CACNA1I: variants seen among roughly 807,000 people sequenced by gnomAD.
The protein encoded by CACNA1I is voltage-dependent T-type calcium channel subunit alpha-1I.
In CACNA1I, 74 loss-of-function variants were observed where a neutral mutation model predicts 201.6. The ratio of observed to expected loss-of-function variants is 0.37; its 90% CI spans 0.30 to 0.45. The LOEUF is 0.45. Ranked by LOEUF, CACNA1I falls within the 20% of genes least tolerant of loss-of-function variation. The probability of loss-of-function intolerance (pLI) is 1.00; values close to 1 mark genes in which losing one functional copy is unlikely to be tolerated. For synonymous variants in CACNA1I, 1,431 were observed against 1,345.2 expected (o/e 1.06, Z -1.40); for missense variants, 2,346 against 3,138.1 (o/e 0.75, Z 6.03).
intron 3 of CACNA1I, among the ~76,000 whole-genome samples, chr22:39,610,457 G>A (rs1374426042): frequency 6.6e-6 from 1 of 152,160 alleles, no homozygotes; most frequent in African/African-American, 2.4e-5. Flanking sequence ...GGGAGAGAGG[G>A]TGATGGTCAC....
intron 5 of CACNA1I, 49 bp downstream of exon 5, chr22:39,634,773 A>T (rs761514081): frequency 1.2e-5 from 19 of 1,572,120 alleles, no homozygotes; most frequent in Non-Finnish European, 1.6e-5. Context: ...TCTTACTAAG[A>T]CACAGTTTTA....
At position 39,673,914 on chromosome 22, in the gene CACNA1I, G is replaced by A. The variant is rs8135687; in HGVS notation, c.4784-49G>A. The A allele has an allele frequency of 2.4e-3, 3,755 of 1,570,054 alleles. 84 individuals are homozygous for A. The African/African-American group carries it at 0.045, about 19-fold the overall frequency. ...CGTGCACACATGCGTGCACACACAC[G>A]TCCCCACCGGCCTGGGGCTGAGTGG... On this transcript the variant is annotated intron_variant, in intron 28 of 36. Coordinates refer to ENST00000402142, the MANE Select transcript of CACNA1I (RefSeq NM_021096.4).
At chr22:39,613,172 C>A (rs909370747) in intron 3 of CACNA1I, among the ~76,000 whole-genome samples, 1 of 152,184 alleles carries the variant, frequency 6.6e-6, no homozygotes, top group African/African-American at 2.4e-5. Flanking sequence ...CTTGTCAGCT[C>A]CAAGCTTTTT....
intron 29 of CACNA1I, among the ~76,000 whole-genome samples, chr22:39,674,814 G>A (rs1287983897): frequency 6.6e-6 from 1 of 152,178 alleles, no homozygotes; most frequent in Admixed American, 6.5e-5. Context: ...CACAGATACT[G>A]CACATTAAAA....
chr22:39,685,488 T>C lies in CACNA1I; in HGVS notation c.6028-273T>C, dbSNP rs900477237. On this transcript the variant is annotated intron_variant, in intron 36 of 36. Transcript: ENST00000402142. This position sits in a 1 kb window ranked among gnomAD's most constrained non-coding sequence, Gnocchi z 5.0. The stretch of plus-strand genomic sequence containing the variant: ...AGGGCGGTGGGCCCAGGGCTTCCCC[T>C]TGGAGTGAGCCTGGAGCCTTCTGTG... Among the ~76,000 whole-genome samples, 2 of 150,728 alleles carry C rather than the reference T, an allele frequency of 1.3e-5. No individual in the cohort carries two copies. Among genetic ancestry groups the C allele is most frequent in the African/African-American group, 4.9e-5 (2 of 40,770 alleles).
Position 39,686,764 on chromosome 22 carries a change from G to C in CACNA1I, c.*359G>C, listed in dbSNP as rs1050808681. The C allele has an allele frequency of 6.6e-6, 1 of 151,692 alleles. No homozygotes were observed. Among genetic ancestry groups the C allele is most frequent in the Non-Finnish European group, 1.5e-5 (1 of 67,930 alleles). The allele number at this position is 151,692 out of a possible 1,614,324, so 9.4% of individuals were successfully genotyped here. ...GTGGGAGGTGGGCCAGGGCCTGGAC[G>C]GGGCTTTTGTCTGATGCTCTGGGAT... On this transcript the variant is annotated 3_prime_UTR_variant, in exon 37 of 37. Transcript: ENST00000402142.
chr22:39,601,831 TTCCTTCCCTCCCTCCC>T (rs1933040249), intron 3 of CACNA1I, among the ~76,000 whole-genome samples: 1 of 143,940 alleles, frequency 6.9e-6, no homozygotes, highest in Non-Finnish European at 1.5e-5. Context: ...CTCTCCTTCC[TTCCTTCCCTCCCTCCC>T]TCCCTCCCTC....
chr22:39,595,865 C>T (rs1479682733), intron 1 of CACNA1I, among the ~76,000 whole-genome samples: 1 of 151,360 alleles, frequency 6.6e-6, no homozygotes, highest in Non-Finnish European at 1.5e-5. Context: ...AAGTCCCTGT[C>T]CCCTTTGGAA....
chr22:39,598,299 C>G (rs1601806125), intron 2 of CACNA1I, 37 bp downstream of exon 2: 1 of 870,236 alleles, frequency 1.1e-6, no homozygotes, highest in Non-Finnish European at 1.6e-6. Context: ...GCCCTGCCCT[C>G]ATCCTCCAGG....
chr22:39,642,990 AG>A (rs1244718710), intron 7 of CACNA1I, 101 bp downstream of exon 7: 2 of 717,098 alleles, frequency 2.8e-6, no homozygotes, highest in Admixed American at 4.6e-5. Flanking sequence ...AGCCCCTCAG[AG>A]CCAGGACAGC....
At position 39,662,400 on chromosome 22, in the gene CACNA1I, G is replaced by T; in HGVS notation, c.3337G>T (p.Gly1113Trp). Reference sequence around the variant, plus strand: ...CGTCTTCACCAAGATGGGCGACCGCGGGGATCGCGGGGAGGATGAGGAGGA... The same window carrying T: ...CGTCTTCACCAAGATGGGCGACCGCTGGGATCGCGGGGAGGATGAGGAGGA... ...KDVFTKMGDR[G>W]DRGEDEEEID... The change falls in exon 17 of 37, where the codon GGG becomes TGG. Residue 1113 changes from glycine to tryptophan, a missense_variant. Physicochemically the swap from Gly to Trp is radical, Grantham distance 184. Transcript: ENST00000402142. 1 of 1,463,736 alleles carries T rather than the reference G, an allele frequency of 6.8e-7. No homozygotes were observed. Among genetic ancestry groups the T allele is most frequent in the Non-Finnish European group, 9.0e-7 (1 of 1,117,202 alleles). 90.7% of individuals were successfully genotyped at this position (1,463,736 alleles called of 1,614,324 possible). A position where few individuals can be genotyped will look rare whatever the true frequency, so the allele number is the denominator to read the frequency against.
chr22:39,673,636 G>A (rs1158536432), intron 28 of CACNA1I, among the ~76,000 whole-genome samples: 1 of 152,182 alleles, frequency 6.6e-6, no homozygotes, highest in African/African-American at 2.4e-5. Flanking sequence ...GAAGAGATGT[G>A]GCCACTCACG....
chr22:39,577,855 T>G (rs1304195108), intron 1 of CACNA1I, among the ~76,000 whole-genome samples: 1 of 152,240 alleles, frequency 6.6e-6, no homozygotes, highest in African/African-American at 2.4e-5. Context: ...TGCTCCTGGC[T>G]TCTTAGACCA....
chr22:39,665,870 C>G lies in CACNA1I; in HGVS notation c.3979-11C>G, dbSNP rs751605570. On this transcript the variant is annotated splice_polypyrimidine_tract_variant and intron_variant, in intron 22 of 36. Transcript: ENST00000402142. This position sits in a 1 kb window ranked among gnomAD's most constrained non-coding sequence, Gnocchi z 5.5. ...ACCTGTGAGAGCACCAACCTCACCC[C>G]CTTTCCCCAGCTCTTCAAGGGCAAG... The G allele has an allele frequency of 1.8e-5, 29 of 1,613,678 alleles. No individual in the cohort carries two copies. The South Asian group carries it at 2.7e-4, about 15-fold the overall frequency.
At chr22:39,673,112 G>A (rs762767652) in intron 28 of CACNA1I, 30 bp downstream of exon 28, 1 of 1,602,502 alleles carries the variant, frequency 6.2e-7, no homozygotes, top group Non-Finnish European at 8.5e-7. Context: ...ACAGGGAACG[G>A]GGACAAGCAG....
intron 1 of CACNA1I, among the ~76,000 whole-genome samples, chr22:39,574,928 C>G (rs1932295898): frequency 6.6e-6 from 1 of 152,232 alleles, no homozygotes; most frequent in Non-Finnish European, 1.5e-5. Context: ...CTCTTTGAAG[C>G]CTGGTGCTCC....
chr22:39,624,906 GTCT>G (rs1933856224), intron 4 of CACNA1I, among the ~76,000 whole-genome samples: 1 of 134,246 alleles, frequency 7.4e-6, no homozygotes, highest in Admixed American at 8.9e-5. Flanking sequence ...CTGGGACACA[GTCT>G]TTTTTTTTTT....
chr22:39,632,344 G>T (rs1934089102), intron 4 of CACNA1I, among the ~76,000 whole-genome samples: 1 of 152,074 alleles, frequency 6.6e-6, no homozygotes, highest in African/African-American at 2.4e-5. Flanking sequence ...TTAGAAATAT[G>T]CCAGCAGACC....
chr22:39,668,975 T>A (rs753561145), intron 24 of CACNA1I, among the ~76,000 whole-genome samples: 6 of 151,820 alleles, frequency 4.0e-5, no homozygotes, highest in Non-Finnish European at 8.8e-5. Context: ...GAAGATGGAT[T>A]TGGGGAGGGG....
Sources: gnomAD v4.1 joint callset for allele counts (sites outside exome capture counted in the v4.1 genomes callset) on GRCh38, gnomAD v4.1.1 for gene constraint, Gnocchi (gnomAD v3.1) non-coding constraint, MANE v1.5 for transcripts, NCBI Gene and HGNC (gene_info 2026-07-23, HGNC 2026-07-21) for gene names.